SCO1: variants seen among roughly 807,000 people sequenced by gnomAD.
The protein encoded by SCO1 is synthesis of cytochrome C oxidase 1.
Under a neutral mutation model 34.0 loss-of-function variants are expected in SCO1, and 23 were observed. The ratio of observed to expected loss-of-function variants is 0.68; its 90% CI spans 0.49 to 0.96. The LOEUF (loss-of-function observed/expected upper bound fraction) is 0.96, where lower values mean the gene tolerates loss of function less well. Ranked by LOEUF, SCO1 falls within the 40% of genes least tolerant of loss-of-function variation. SCO1 has a pLI of 0.00. For synonymous variants in SCO1, 161 were observed against 145.5 expected (o/e 1.11, Z -0.77); for missense variants, 404 against 381.6 (o/e 1.06, Z -0.49).
rs2074558902 is a variant in SCO1, at chr17:10,673,276, T to A, written c.*7843A>T. 6.6e-6 allele frequency: 1 copy of A among 152,218 alleles called. No homozygotes were observed. Among genetic ancestry groups the A allele is most frequent in the Non-Finnish European group, 1.5e-5 (1 of 68,066 alleles). The allele number at this position is 152,218 out of a possible 1,614,324, so 9.4% of individuals were successfully genotyped here. On this transcript the variant is annotated 3_prime_UTR_variant, in exon 6 of 6. Coordinates refer to ENST00000255390, the MANE Select transcript of SCO1 (RefSeq NM_004589.4). The stretch of plus-strand genomic sequence containing the variant: ...TCTTTATCTTGTCTGGTTATGTGCA[T>A]CCCAGAGGCACTCTCCAGGGCCTAC...
At chr17:10,682,007 CT>C (rs1303774861) in intron 5 of SCO1, among the ~76,000 whole-genome samples, 9 of 152,184 alleles carry the variant, frequency 5.9e-5, no homozygotes, top group Non-Finnish European at 8.8e-5. Context: ...TGCTGCCCCC[CT>C]AACCAGAGAG....
Position 10,697,244 on chromosome 17 carries a change from C to T in SCO1, c.264G>A (p.Ser88=), listed in dbSNP as rs551667196. ...QKGPGDSTRP[S]KPGPVSWKSL... is the part of the protein sequence containing the mutation. ...CCAGGTGTGCACTCACCCCGGGCTT[C>T]GAGGGGCGCGTGGAGTCTCCGGGGC... Residue 88 remains serine (S), a synonymous_variant, in exon 1 of 6, where the codon TCG becomes TCA. Transcript: ENST00000255390. 98 of 1,557,224 alleles carry T rather than the reference C, an allele frequency of 6.3e-5. No homozygotes were observed. The South Asian group carries it at 1.1e-3, about 17-fold the overall frequency.
At chr17:10,693,830 C>T (rs563283116) in intron 2 of SCO1, among the ~76,000 whole-genome samples, 6 of 152,226 alleles carry the variant, frequency 3.9e-5, no homozygotes, top group African/African-American at 1.4e-4. Flanking sequence ...AGGGGGCTCC[C>T]GCTGATCAAT....
In SCO1 at chr17:10,691,605, C is replaced by G. The variant is rs115621987; in HGVS notation, c.655+267G>C. Among the ~76,000 whole-genome samples, 133 of 152,254 alleles carry G rather than the reference C, an allele frequency of 8.7e-4. 1 individual carries two copies. Among genetic ancestry groups the G allele is most frequent in the African/African-American group, 2.7e-3 (114 of 41,530 alleles). Reference sequence around the variant, plus strand: ...GTGTCCTTACTCTCAATTCAAGGCTCGATTAACTTAGTTGATACATGAAGG... The same window carrying G: ...GTGTCCTTACTCTCAATTCAAGGCTGGATTAACTTAGTTGATACATGAAGG... On this transcript the variant is annotated intron_variant, in intron 4 of 5. Coordinates refer to ENST00000255390, the MANE Select transcript of SCO1 (RefSeq NM_004589.4).
intron 2 of SCO1, among the ~76,000 whole-genome samples, chr17:10,694,374 G>A (rs961444984): frequency 3.9e-5 from 6 of 152,292 alleles, no homozygotes; most frequent in South Asian, 4.1e-4. Context: ...AAGACATCAA[G>A]TGGCAAAACT....
At chr17:10,681,968 C>T (rs1233588566) in intron 5 of SCO1, among the ~76,000 whole-genome samples, 2 of 152,218 alleles carry the variant, frequency 1.3e-5, no homozygotes, top group Non-Finnish European at 2.9e-5. Flanking sequence ...CAATCCATCA[C>T]CTGGAAAGCA....
rs753469955 is a variant in SCO1, at chr17:10,697,522, G to A, written c.-15C>T. On this transcript the variant is annotated 5_prime_UTR_variant, in exon 1 of 6. Coordinates refer to ENST00000255390, the MANE Select transcript of SCO1 (RefSeq NM_004589.4). ...AGCATCGCCATGAGCCTCGGAGACCGGGTCTCCTTTGACCCTCCCCGCGAT... is the reference window on the plus strand; with the variant it reads ...AGCATCGCCATGAGCCTCGGAGACCAGGTCTCCTTTGACCCTCCCCGCGAT... 17 of 1,612,798 alleles carry A rather than the reference G, an allele frequency of 1.1e-5. No individual in the cohort carries two copies. Among genetic ancestry groups the A allele is most frequent in the Admixed American group, 1.7e-5 (1 of 59,932 alleles).
intron 4 of SCO1, among the ~76,000 whole-genome samples, chr17:10,691,323 G>C (rs950604789): frequency 4.6e-5 from 7 of 152,152 alleles, no homozygotes; most frequent in African/African-American, 1.7e-4. Context: ...GCTTCACCAT[G>C]TTGGCCAGGC....
Position 10,677,618 on chromosome 17 carries a change from GTAAATCTCACCT to G in SCO1, c.*3489_*3500del, listed in dbSNP as rs1296460025. On this transcript the variant is annotated 3_prime_UTR_variant, in exon 6 of 6. Transcript: ENST00000255390. Reference sequence around the variant, plus strand: ...AACTCGCATATTTTACTGGTAGTCAGTAAATCTCACCTCTTACACTTAAGATATCAGCTGCTT... The same window carrying G: ...AACTCGCATATTTTACTGGTAGTCAGCTTACACTTAAGATATCAGCTGCTT... 14 of 152,216 alleles carry G rather than the reference GTAAATCTCACCT, an allele frequency of 9.2e-5. No homozygotes were observed. Among genetic ancestry groups the G allele is most frequent in the African/African-American group, 3.4e-4 (14 of 41,454 alleles). The allele number at this position is 152,216 out of a possible 1,614,324, so 9.4% of individuals were successfully genotyped here. A position where few individuals can be genotyped will look rare whatever the true frequency, so the allele number is the denominator to read the frequency against.
At chr17:10,686,917 C>A in intron 4 of SCO1, 75 bp from the exon 5 acceptor site, 1 of 955,642 alleles carries the variant, frequency 1.0e-6, no homozygotes, top group Non-Finnish European at 1.7e-6. Flanking sequence ...AAAAATGTAT[C>A]AGTTGTAAAG....
rs571929923 is a variant in SCO1 at position 10,696,167 on chromosome 17, G to A, written c.274-336C>T. On this transcript the variant is annotated intron_variant, in intron 1 of 5. Coordinates refer to ENST00000255390, the MANE Select transcript of SCO1 (RefSeq NM_004589.4). The stretch of plus-strand genomic sequence containing the variant: ...AATGACTTTAAAACCAATTATGGCC[G>A]GGCGCGGTGGGTCACGCCTGTAATC... Among the ~76,000 whole-genome samples the A allele has an allele frequency of 3.0e-4, 45 of 151,504 alleles. 1 individual carries two copies. In the East Asian group the frequency reaches 7.8e-3, roughly 26 times the overall value.
intron 1 of SCO1, 54 bp downstream of exon 1, chr17:10,697,181 T>G (rs1597511660): frequency 1.4e-6 from 2 of 1,455,440 alleles, no homozygotes; most frequent in Non-Finnish European, 1.8e-6. Flanking sequence ...ATGTGGCCGC[T>G]GGGCTGGCCG....
At position 10,680,405 on chromosome 17, in the gene SCO1, C is replaced by T. The variant is rs2074614189; in HGVS notation, c.*714G>A. Reference sequence around the variant, plus strand: ...CCAGTATATGCAGAAAGGTACTCAGCATCACACTCGTGATCAATATCCTCT... The same window carrying T: ...CCAGTATATGCAGAAAGGTACTCAGTATCACACTCGTGATCAATATCCTCT... On this transcript the variant is annotated 3_prime_UTR_variant, in exon 6 of 6. Transcript: ENST00000255390. 6.4e-6 allele frequency: 1 copy of T among 155,176 alleles called. No individual in the cohort carries two copies. Among genetic ancestry groups the T allele is most frequent in the East Asian group, 1.9e-4 (1 of 5,240 alleles). 9.6% of individuals were successfully genotyped at this position (155,176 alleles called of 1,614,324 possible). A position where few individuals can be genotyped will look rare whatever the true frequency, so the allele number is the denominator to read the frequency against.
chr17:10,674,380 C>T lies in SCO1; in HGVS notation c.*6739G>A, dbSNP rs1292101654. 1.3e-5 allele frequency: 3 copies of T among 223,508 alleles called. No individual in the cohort carries two copies. Among genetic ancestry groups the T allele is most frequent in the Middle Eastern group, 1.8e-3 (1 of 548 alleles). The allele number at this position is 223,508 out of a possible 1,614,324, so 13.8% of individuals were successfully genotyped here. A position where few individuals can be genotyped will look rare whatever the true frequency, so the allele number is the denominator to read the frequency against. On this transcript the variant is annotated 3_prime_UTR_variant, in exon 6 of 6. Transcript: ENST00000255390. ...GGTGGAGGTTGCAGTGAGCCAAGAT[C>T]GCACCACTGCTCTCCAGCCTAGGCA...
chr17:10,679,008 C>T lies in SCO1; in HGVS notation c.*2111G>A, dbSNP rs187079835. 2.6e-3 allele frequency: 392 copies of T among 152,308 alleles called. 1 individual carries two copies. Among genetic ancestry groups the T allele is most frequent in the Non-Finnish European group, 4.3e-3 (291 of 68,142 alleles). 9.4% of individuals were successfully genotyped at this position (152,308 alleles called of 1,614,324 possible). On this transcript the variant is annotated 3_prime_UTR_variant, in exon 6 of 6. Coordinates refer to ENST00000255390, the MANE Select transcript of SCO1 (RefSeq NM_004589.4). ...TCGCCCAGGCTGGAGTACGATGGCG[C>T]AATCTTGCCTCACTGCCACCTCTGC...
rs1011472164 is a variant in SCO1 at position 10,673,197 on chromosome 17, T to C, written c.*7922A>G. ...TTTTGTAATTTTAGTAGAGATGGGG[T>C]TTCACCATGTTGGCCAGGATGATCT... is the stretch of plus-strand genomic sequence containing the variant. On this transcript the variant is annotated 3_prime_UTR_variant, in exon 6 of 6. Transcript: ENST00000255390. 8 of 152,188 alleles carry C rather than the reference T, an allele frequency of 5.3e-5. No individual in the cohort carries two copies. In the East Asian group the frequency reaches 1.5e-3, roughly 29 times the overall value. 9.4% of individuals were successfully genotyped at this position (152,188 alleles called of 1,614,324 possible). A position where few individuals can be genotyped will look rare whatever the true frequency, so the allele number is the denominator to read the frequency against.
At chr17:10,689,129 A>AAAAAG (rs2074675502) in intron 4 of SCO1, among the ~76,000 whole-genome samples, 1 of 151,040 alleles carries the variant, frequency 6.6e-6, no homozygotes, top group Non-Finnish European at 1.5e-5. Flanking sequence ...AAAAAAAAAA[A>AAAAAG]AAAAAAGAAA....
In SCO1 at chr17:10,692,105, G is replaced by A. The variant is rs2662941; in HGVS notation, c.563-141C>T. The A allele has an allele frequency of 0.014, 9,657 of 700,640 alleles. 543 individuals carry two copies. Among genetic ancestry groups the A allele is most frequent in the African/African-American group, 0.13 (7,376 of 56,908 alleles). The allele number at this position is 700,640 out of a possible 1,614,324, so 43.4% of individuals were successfully genotyped here. On this transcript the variant is annotated intron_variant, in intron 3 of 5. Coordinates refer to ENST00000255390, the MANE Select transcript of SCO1 (RefSeq NM_004589.4). ...GGACATCTTAACATTCAGGTGAAGA[G>A]GAAGAGGACGGGGAAGGGGATGGAG...
At chr17:10,686,033 G>A (rs1177954038) in intron 5 of SCO1, among the ~76,000 whole-genome samples, 1 of 152,064 alleles carries the variant, frequency 6.6e-6, no homozygotes, top group Non-Finnish European at 1.5e-5. Context: ...AGGAATTCGA[G>A]ACCCCCTGGC....
Sources: gnomAD v4.1 joint callset for allele counts (sites outside exome capture counted in the v4.1 genomes callset) on GRCh38, gnomAD v4.1.1 for gene constraint, MANE v1.5 for transcripts, NCBI Gene and HGNC (gene_info 2026-07-23, HGNC 2026-07-21) for gene names.